The following CA8 variants were observed in gnomAD, a reference collection of about 807,000 sequenced individuals.
CA8 encodes carbonic anhydrase 8 (inactive).
A neutral mutation model predicts 41.4 loss-of-function variants in CA8; 22 were observed. The ratio of observed to expected loss-of-function variants is 0.53; its 90% CI spans 0.38 to 0.76. The LOEUF (loss-of-function observed/expected upper bound fraction) is 0.76, where lower values mean the gene tolerates loss of function less well. Among genes scored for constraint, CA8 ranks in the 30% least tolerant of loss-of-function variants. CA8 has a pLI of 0.00. For missense variants in CA8, 270 were observed against 352.8 expected (o/e 0.77, Z 1.88); for synonymous variants, 121 against 130.6 (o/e 0.93, Z 0.50).
intron 3 of CA8, among the ~76,000 whole-genome samples, chr8:60,257,528 G>T (rs972763395): frequency 2.6e-5 from 4 of 151,788 alleles, no homozygotes; most frequent in Admixed American, 6.6e-5. Context: ...TTCAACTTTG[G>T]GCCCTAAATT....
rs574401266 is a variant in CA8, at chr8:60,222,687, T to C, written c.700A>G (p.Ile234Val). The C allele has an allele frequency of 1.1e-4, 171 of 1,613,112 alleles. No individual in the cohort carries two copies. The highest frequency in any genetic ancestry group is 1.4e-4 in the Non-Finnish European group (168 of 1,179,184). Residue 234 changes from isoleucine to valine, a missense_variant, in exon 7 of 9, where the codon ATA becomes GTA. Physicochemically the swap from Ile to Val is conservative, Grantham distance 29 (BLOSUM62 3). This residue lies in a region of CA8 where 141 missense variants were observed against 191.6 expected (regional missense o/e 0.74). Transcript: ENST00000317995. The stretch of plus-strand genomic sequence containing the variant: ...ATAGTTAAAGGGTATCGGAATAATA[T>C]CCAGGTGACACCTTCACTGCAAGGT... ...IPPCSEGVTW[I>V]LFRYPLTISQ...
intron 3 of CA8, among the ~76,000 whole-genome samples, chr8:60,258,921 C>T (rs1803643710): frequency 6.6e-6 from 1 of 152,196 alleles, no homozygotes; most frequent in Non-Finnish European, 1.5e-5. Flanking sequence ...GGTACCAGTC[C>T]ATGGCCCAGG....
At position 60,281,166 on chromosome 8, in the gene CA8, C is replaced by G; in HGVS notation, c.-19G>C. 6.6e-7 allele frequency: 1 copy of G among 1,514,714 alleles called. No homozygotes were observed. Among genetic ancestry groups the G allele is most frequent in the Non-Finnish European group, 8.9e-7 (1 of 1,119,628 alleles). 93.8% of individuals were successfully genotyped at this position (1,514,714 alleles called of 1,614,324 possible). On this transcript the variant is annotated 5_prime_UTR_variant, in exon 1 of 9. Coordinates refer to ENST00000317995, the MANE Select transcript of CA8 (RefSeq NM_004056.6). ...CCGCCATGGGAAGGCCGCGGGGCCC[C>G]TCGGCGCTCTCGGCAGCAGTGCCTG...
chr8:60,187,994 T>C lies in CA8; in HGVS notation c.*2027A>G, dbSNP rs1806010103. Reference sequence around the variant, plus strand: ...TACAAAAGCGTATTATAAACAGTATTCATATTCTGAATCTGAGGTAACTAA... The same window carrying C: ...TACAAAAGCGTATTATAAACAGTATCCATATTCTGAATCTGAGGTAACTAA... On this transcript the variant is annotated 3_prime_UTR_variant, in exon 9 of 9. Transcript: ENST00000317995. 6.6e-6 allele frequency: 1 copy of C among 152,206 alleles called. No individual in the cohort carries two copies. 9.4% of individuals were successfully genotyped at this position (152,206 alleles called of 1,614,324 possible). A position where few individuals can be genotyped will look rare whatever the true frequency, so the allele number is the denominator to read the frequency against.
chr8:60,214,053 A>G (rs1299391480), intron 7 of CA8, among the ~76,000 whole-genome samples: 1 of 152,250 alleles, frequency 6.6e-6, no homozygotes, highest in East Asian at 1.9e-4. Context: ...TGCTTCAACA[A>G]GCCTTCCAGG....
rs1329456042 is a variant in CA8 at position 60,201,846 on chromosome 8, T to C, written c.*35+6904A>G. Among the ~76,000 whole-genome samples, 5 of 152,324 alleles carry C rather than the reference T, an allele frequency of 3.3e-5. 1 individual carries two copies. Among genetic ancestry groups the C allele is most frequent in the South Asian group, 4.1e-4 (2 of 4,824 alleles). ...TTTCCTAACCTAGAAGTTTTAAATT[T>C]CGTGTTGTACTTTAATGCAACTATA... On this transcript the variant is annotated intron_variant, in intron 8 of 8. Transcript: ENST00000317995.
intron 8 of CA8, among the ~76,000 whole-genome samples, chr8:60,191,961 T>C (rs1806143156): frequency 6.6e-6 from 1 of 152,126 alleles, no homozygotes; most frequent in Non-Finnish European, 1.5e-5. Flanking sequence ...TGGTAAATGC[T>C]GAATGAATTC....
intron 8 of CA8, among the ~76,000 whole-genome samples, chr8:60,195,574 C>G (rs1806258581): frequency 6.6e-6 from 1 of 152,148 alleles, no homozygotes; most frequent in South Asian, 2.1e-4. Context: ...TAAGAACTCT[C>G]CTCTTCAGAG....
At chr8:60,221,454 A>ATTAG (rs1807244799) in intron 7 of CA8, among the ~76,000 whole-genome samples, 1 of 152,210 alleles carries the variant, frequency 6.6e-6, no homozygotes, top group Non-Finnish European at 1.5e-5. Flanking sequence ...AGTGGTACTA[A>ATTAG]GAAACAAGAA....
chr8:60,265,813 CT>C, intron 3 of CA8, 111 bp downstream of exon 3: 1 of 1,198,268 alleles, frequency 8.3e-7, no homozygotes, highest in Non-Finnish European at 1.2e-6. Flanking sequence ...TTAGTATAAA[CT>C]GATAAAATTC....
At chr8:60,228,996 TGCAAGCAGC>T (rs1807541977) in intron 4 of CA8, among the ~76,000 whole-genome samples, 2 of 152,122 alleles carry the variant, frequency 1.3e-5, no homozygotes, top group Admixed American at 1.3e-4. Context: ...GCTAAAACCG[TGCAAGCAGC>T]TGTTCAGATA....
intron 3 of CA8, among the ~76,000 whole-genome samples, chr8:60,243,707 G>A (rs1585896126): frequency 6.6e-6 from 1 of 152,126 alleles, no homozygotes. Flanking sequence ...CACCTGCTCT[G>A]CAGCAGCCGG....
chr8:60,196,661 C>T (rs116501428), intron 8 of CA8, among the ~76,000 whole-genome samples: 2,747 of 152,178 alleles, frequency 0.018, 80 homozygotes, highest in African/African-American at 0.063. Context: ...AATTAAAAAT[C>T]CTAATAGGAT....
chr8:60,219,378 G>A (rs767616418), intron 7 of CA8, among the ~76,000 whole-genome samples: 47 of 152,060 alleles, frequency 3.1e-4, no homozygotes, highest in Non-Finnish European at 7.4e-5. Context: ...GGCTGGTCTC[G>A]AACTCCTGAC....
At chr8:60,194,887 G>A (rs1225740664) in intron 8 of CA8, among the ~76,000 whole-genome samples, 1 of 152,154 alleles carries the variant, frequency 6.6e-6, no homozygotes, top group Non-Finnish European at 1.5e-5. Context: ...TTTTAATGCA[G>A]TCTGTGGTGG....
rs778774993 is a variant in CA8, at chr8:60,206,943, GA to G, written c.*35+1806del. 6.9e-3 allele frequency among the ~76,000 whole-genome samples: 974 copies of G among 141,808 alleles called. 1 individual carries two copies. The highest frequency in any genetic ancestry group is 9.2e-3 in the Non-Finnish European group (594 of 64,396). The allele number at this position is 141,808 out of a possible 152,430, so 93.0% of individuals were successfully genotyped here. ...AGTTCTATTTCTTTTGTTTAAAAAA[GA>G]AAAAAAAAAAGACTTCTTCAATCCC... On this transcript the variant is annotated intron_variant, in intron 8 of 8. Transcript: ENST00000317995.
intron 3 of CA8, among the ~76,000 whole-genome samples, chr8:60,256,624 T>C (rs1173347111): frequency 3.3e-5 from 5 of 152,230 alleles, no homozygotes; most frequent in Admixed American, 2.6e-4. Flanking sequence ...ACATATGGTT[T>C]TTACACAGGT....
At chr8:60,225,907 A>AG (rs1291207103) in intron 5 of CA8, among the ~76,000 whole-genome samples, 2 of 152,154 alleles carry the variant, frequency 1.3e-5, no homozygotes, top group Non-Finnish European at 2.9e-5. Flanking sequence ...GTGGATCATG[A>AG]GGTCAAGAGA....
chr8:60,278,828 A>G lies in CA8; in HGVS notation c.292+861T>C, dbSNP rs140499837. On this transcript the variant is annotated intron_variant, in intron 2 of 8. Coordinates refer to ENST00000317995, the MANE Select transcript of CA8 (RefSeq NM_004056.6). ...ACCTAAAGATTTTATAGTTTGAGGT[A>G]TCAACTTTATCAACTTGGAATTAAT... is the stretch of plus-strand genomic sequence containing the variant. 1.4e-3 allele frequency among the ~76,000 whole-genome samples: 206 copies of G among 152,360 alleles called. 2 individuals carry two copies. The Middle Eastern group carries it at 0.014, about 10-fold the overall frequency.
Sources: gnomAD v4.1 joint callset for allele counts (sites outside exome capture counted in the v4.1 genomes callset) on GRCh38, gnomAD v4.1.1 for gene constraint, gnomAD v4.1.1 regional missense constraint, MANE v1.5 for transcripts, NCBI Gene and HGNC (gene_info 2026-07-23, HGNC 2026-07-21) for gene names.